Variants in GALNT16 observed in about 807,000 individuals in gnomAD.
GALNT16 encodes the protein polypeptide N-acetylgalactosaminyltransferase 16.
In GALNT16, 40 loss-of-function variants were observed where a neutral mutation model predicts 76.1. That is an observed-to-expected ratio of 0.53 (90% confidence interval 0.41 to 0.68). GALNT16 has a LOEUF of 0.68. GALNT16 is among the 30% of genes least tolerant of loss of function. GALNT16 has a pLI of 0.00. For missense variants in GALNT16, 621 were observed against 731.9 expected (o/e 0.85, Z 1.75); for synonymous variants, 276 against 285.2 (o/e 0.97, Z 0.32).
chr14:69,338,549 T>C (rs767036232), intron 9 of GALNT16, 102 bp from the exon 10 acceptor site: 57 of 1,518,280 alleles, frequency 3.8e-5, no homozygotes, highest in Non-Finnish European at 4.8e-5. Context: ...GACCCCAACA[T>C]GTACCTCCAG....
chr14:69,307,533 A>G (rs976689174), intron 1 of GALNT16, among the ~76,000 whole-genome samples: 2 of 152,072 alleles, frequency 1.3e-5, no homozygotes, highest in Non-Finnish European at 2.9e-5. Flanking sequence ...ATGGCCTCCC[A>G]TGACCCGATG....
rs1555399674 is a variant in GALNT16, at chr14:69,316,782, G to GT, written c.178-3929_178-3928insT. On this transcript the variant is annotated intron_variant, in intron 1 of 14. Transcript: ENST00000448469. ...TGGGGGCTTGTAGTCTGTGAGGGGG[G>GT]GGGGCACTGAAGGTCACGTGATGTA... 4.4e-4 allele frequency among the ~76,000 whole-genome samples: 62 copies of GT among 139,692 alleles called. 3 individuals are homozygous for GT. Among genetic ancestry groups the GT allele is most frequent in the African/African-American group, 1.6e-3 (58 of 36,612 alleles). The allele number at this position is 139,692 out of a possible 152,430, so 91.6% of individuals were successfully genotyped here.
At chr14:69,336,470 G>A (rs759958406) in intron 9 of GALNT16, among the ~76,000 whole-genome samples, 19 of 152,106 alleles carry the variant, frequency 1.2e-4, no homozygotes, top group African/African-American at 2.7e-4. Flanking sequence ...TGCCCTTGCC[G>A]GCTCCTCTGC....
Position 69,331,566 on chromosome 14 carries a change from CGGGGGT to C in GALNT16, c.778+20_778+25del. Reference sequence around the variant, plus strand: ...CCTTCGTGGAGGTGAGTTCTGCTCCCGGGGGTGGGGCTGTAGACATGAAAGGAGGTA... The same window carrying C: ...CCTTCGTGGAGGTGAGTTCTGCTCCCGGGGCTGTAGACATGAAAGGAGGTA... On this transcript the variant is annotated intron_variant, in intron 7 of 14. Transcript: ENST00000448469. The C allele has an allele frequency of 6.7e-7, 1 of 1,495,024 alleles. No individual in the cohort carries two copies. Among genetic ancestry groups the C allele is most frequent in the African/African-American group, 1.4e-5 (1 of 72,592 alleles). 92.6% of individuals were successfully genotyped at this position (1,495,024 alleles called of 1,614,324 possible).
At chr14:69,340,212 G>A (rs2045468932) in intron 11 of GALNT16, among the ~76,000 whole-genome samples, 1 of 152,166 alleles carries the variant, frequency 6.6e-6, no homozygotes. Flanking sequence ...GTGTGTGCAT[G>A]CATGTACCTA....
At chr14:69,278,225 T>G (rs12433349) in intron 1 of GALNT16, among the ~76,000 whole-genome samples, 29,174 of 152,048 alleles carry the variant, frequency 0.19, 3,692 homozygotes, top group East Asian at 0.62. Context: ...CCCAGGCTGG[T>G]CTTGAACTCC....
chr14:69,291,493 A>G lies in GALNT16; in HGVS notation c.178-29218A>G, dbSNP rs150824887. On this transcript the variant is annotated intron_variant, in intron 1 of 14. Coordinates refer to ENST00000448469, the MANE Select transcript of GALNT16 (RefSeq NM_001168368.2). ...GACAAGGACACAACCCAGTGAGGTC[A>G]GGGTCCCCACCCACCCTGCTCTTGG... Among the ~76,000 whole-genome samples, 600 of 152,266 alleles carry G rather than the reference A, an allele frequency of 3.9e-3. 3 individuals are homozygous for G. Among genetic ancestry groups the G allele is most frequent in the South Asian group, 8.1e-3 (39 of 4,824 alleles).
At chr14:69,296,159 GT>G (rs2044756862) in intron 1 of GALNT16, among the ~76,000 whole-genome samples, 1 of 151,948 alleles carries the variant, frequency 6.6e-6, no homozygotes. Flanking sequence ...CACATGGCCA[GT>G]GTAGGAGGAA....
intron 1 of GALNT16, among the ~76,000 whole-genome samples, chr14:69,317,773 C>A (rs923669122): frequency 6.6e-6 from 1 of 152,056 alleles, no homozygotes; most frequent in Admixed American, 6.6e-5. Context: ...TTTTGAGATG[C>A]CAAGTTAGGG....
At chr14:69,324,144 G>A (rs570303260) in intron 2 of GALNT16, among the ~76,000 whole-genome samples, 2 of 152,148 alleles carry the variant, frequency 1.3e-5, no homozygotes, top group Admixed American at 6.5e-5. Flanking sequence ...TGGGAGGAGT[G>A]AGACTGCTCC....
At chr14:69,278,141 T>C (rs1213762309) in intron 1 of GALNT16, among the ~76,000 whole-genome samples, 1 of 151,962 alleles carries the variant, frequency 6.6e-6, no homozygotes, top group Admixed American at 6.6e-5. Context: ...AGCCTGTAGC[T>C]AGGACTACAG....
At chr14:69,329,756 AGT>A (rs1199196148) in intron 6 of GALNT16, among the ~76,000 whole-genome samples, 1 of 152,064 alleles carries the variant, frequency 6.6e-6, no homozygotes, top group African/African-American at 2.4e-5. Flanking sequence ...ACATGGCGAG[AGT>A]GGGGGCAAGA....
At chr14:69,331,640 C>T in intron 7 of GALNT16, 89 bp downstream of exon 7, 1 of 779,640 alleles carries the variant, frequency 1.3e-6, no homozygotes. Context: ...CTGCTCTTTC[C>T]AGCTGTGCCA....
intron 1 of GALNT16, among the ~76,000 whole-genome samples, chr14:69,296,725 AGAT>A (rs201211853): frequency 0.099 from 10,499 of 106,392 alleles, 658 homozygotes; most frequent in East Asian, 0.41. Context: ...ATGGACAGAT[AGAT>A]GATAGATAGA....
At chr14:69,268,210 G>A (rs2044364274) in intron 1 of GALNT16, among the ~76,000 whole-genome samples, 1 of 152,168 alleles carries the variant, frequency 6.6e-6, no homozygotes, top group African/African-American at 2.4e-5. Context: ...AAGACCAGAA[G>A]GAAGCTACAA....
At chr14:69,271,569 A>T (rs2044408365) in intron 1 of GALNT16, among the ~76,000 whole-genome samples, 1 of 152,238 alleles carries the variant, frequency 6.6e-6, no homozygotes, top group Non-Finnish European at 1.5e-5. Context: ...TGTGCTCACC[A>T]GTGCAGTGGT....
chr14:69,291,186 C>T (rs1466226694), intron 1 of GALNT16, among the ~76,000 whole-genome samples: 1 of 152,026 alleles, frequency 6.6e-6, no homozygotes, highest in Non-Finnish European at 1.5e-5. Flanking sequence ...CCAGCTAACT[C>T]GGGAGGCTGA....
chr14:69,322,981 T>TGCGCGCGC (rs1555400172), intron 2 of GALNT16, among the ~76,000 whole-genome samples: 3 of 28,324 alleles, frequency 1.1e-4, no homozygotes, highest in South Asian at 3.1e-3. Flanking sequence ...TGTGTGTGTG[T>TGCGCGCGC]GCGCGCGCAC....
chr14:69,365,059 C>G, the GALNT16 span, among the ~76,000 whole-genome samples: 1 of 152,210 alleles, frequency 6.6e-6, no homozygotes, highest in African/African-American at 2.4e-5. Flanking sequence ...AGAATTGAGT[C>G]TTAATCTATG....
Sources: gnomAD v4.1 joint callset for allele counts (sites outside exome capture counted in the v4.1 genomes callset) on GRCh38, gnomAD v4.1.1 for gene constraint, MANE v1.5 for transcripts, NCBI Gene and HGNC (gene_info 2026-07-23, HGNC 2026-07-21) for gene names.